BBOX1: variants seen among roughly 807,000 people sequenced by gnomAD.
BBOX1 encodes the protein gamma-butyrobetaine dioxygenase.
In BBOX1, 35 loss-of-function variants were observed where a neutral mutation model predicts 41.6. The observed-to-expected ratio is 0.84, with a 90% CI of 0.64 to 1.11. The LOEUF (loss-of-function observed/expected upper bound fraction) is 1.11, where lower values mean the gene tolerates loss of function less well. Among genes scored for constraint, BBOX1 ranks in the 50% most tolerant of loss-of-function variants. BBOX1 has a pLI of 0.00. For missense variants in BBOX1, 458 were observed against 460.6 expected (o/e 0.99, Z 0.05); for synonymous variants, 163 against 154.7 (o/e 1.05, Z -0.40).
intron 4 of BBOX1, among the ~76,000 whole-genome samples, chr11:27,058,139 G>A (rs144654245): frequency 1.3e-4 from 20 of 152,176 alleles, no homozygotes; most frequent in African/African-American, 4.8e-4. Flanking sequence ...AACAGTTCTT[G>A]CAAGATCTGG....
At chr11:27,084,476 A>C (rs1368207943) in intron 4 of BBOX1, among the ~76,000 whole-genome samples, 1 of 152,128 alleles carries the variant, frequency 6.6e-6, no homozygotes, top group Non-Finnish European at 1.5e-5. Flanking sequence ...CAGGATCTCC[A>C]TAGTGCACGA....
chr11:27,079,423 T>C (rs1244359570), intron 4 of BBOX1, among the ~76,000 whole-genome samples: 1 of 152,136 alleles, frequency 6.6e-6, no homozygotes, highest in African/African-American at 2.4e-5. Context: ...CCAGCAATCA[T>C]AGGCTACATT....
At chr11:27,043,265 G>A (rs549214723) in intron 2 of BBOX1, among the ~76,000 whole-genome samples, 272 of 151,974 alleles carry the variant, frequency 1.8e-3, no homozygotes, top group Non-Finnish European at 3.1e-3. Flanking sequence ...GGGTTTCACC[G>A]TGTTAGCCAA....
At chr11:27,107,947 C>T (rs1858926227) in intron 5 of BBOX1, among the ~76,000 whole-genome samples, 1 of 152,040 alleles carries the variant, frequency 6.6e-6, no homozygotes, top group South Asian at 2.1e-4. Context: ...AAAGGTAAAG[C>T]AGATGACATT....
intron 5 of BBOX1, among the ~76,000 whole-genome samples, chr11:27,103,756 G>C (rs1338879266): frequency 6.6e-6 from 1 of 151,826 alleles, no homozygotes; most frequent in Non-Finnish European, 1.5e-5. Context: ...GGGGTGGCCT[G>C]TCTTTCTGAC....
At chr11:27,122,935 C>G (rs1477727302) in intron 7 of BBOX1, among the ~76,000 whole-genome samples, 1 of 151,956 alleles carries the variant, frequency 6.6e-6, no homozygotes, top group Non-Finnish European at 1.5e-5. Context: ...TGGCTTTTTA[C>G]CTTTCCTCAG....
intron 4 of BBOX1, among the ~76,000 whole-genome samples, chr11:27,092,544 C>T (rs574321938): frequency 6.6e-6 from 1 of 151,922 alleles, no homozygotes; most frequent in South Asian, 2.1e-4. Flanking sequence ...AATGAGAGAG[C>T]TAACGGAAAG....
At chr11:27,058,428 A>C (rs1857048519) in intron 4 of BBOX1, among the ~76,000 whole-genome samples, 1 of 152,246 alleles carries the variant, frequency 6.6e-6, no homozygotes, top group African/African-American at 2.4e-5. Context: ...CATTGCTATA[A>C]AGATACCTAA....
intron 5 of BBOX1, among the ~76,000 whole-genome samples, chr11:27,099,649 T>G (rs1858572643): frequency 6.6e-6 from 1 of 152,086 alleles, no homozygotes; most frequent in Admixed American, 6.6e-5. Flanking sequence ...CAGCTGCTCA[T>G]AGGATCAACA....
At chr11:27,094,141 G>C (rs1858349792) in intron 5 of BBOX1, among the ~76,000 whole-genome samples, 1 of 151,934 alleles carries the variant, frequency 6.6e-6, no homozygotes, top group Non-Finnish European at 1.5e-5. Flanking sequence ...GTAAGTAACA[G>C]GGAGATATAA....
chr11:27,065,034 T>C (rs1252907404), intron 4 of BBOX1, among the ~76,000 whole-genome samples: 1 of 152,214 alleles, frequency 6.6e-6, no homozygotes. Flanking sequence ...CCTAACCTGA[T>C]GGTCTTTCAT....
chr11:27,094,223 T>C (rs1404470225), intron 5 of BBOX1, among the ~76,000 whole-genome samples: 1 of 151,954 alleles, frequency 6.6e-6, no homozygotes, highest in Non-Finnish European at 1.5e-5. Flanking sequence ...TTATGGATGG[T>C]TAAACACTAA....
At position 27,125,701 on chromosome 11, in the gene BBOX1, C is replaced by T; in HGVS notation, c.884C>T (p.Thr295Ile). Residue 295 changes from threonine (T) to isoleucine (I), a missense_variant, in exon 8 of 9, where the codon ACT becomes ATT. Coordinates refer to ENST00000263182, the MANE Select transcript of BBOX1 (RefSeq NM_003986.3). ...GTTCGCATCAACTTCAATAACGCAA[C>T]TAGGGACACAATATTTGATGTGCCT... The part of the protein sequence containing the change: ...QVVRINFNNA[T>I]RDTIFDVPVE... 1 of 1,607,962 alleles carries T rather than the reference C, an allele frequency of 6.2e-7. No homozygotes were observed. Among genetic ancestry groups the T allele is most frequent in the Non-Finnish European group, 8.5e-7 (1 of 1,176,602 alleles).
intron 5 of BBOX1, among the ~76,000 whole-genome samples, chr11:27,102,118 G>A (rs1858683572): frequency 6.6e-6 from 1 of 151,956 alleles, no homozygotes; most frequent in Non-Finnish European, 1.5e-5. Context: ...TTATGTTTAT[G>A]TCAATTAAAT....
intron 4 of BBOX1, among the ~76,000 whole-genome samples, chr11:27,057,948 A>G (rs1052070663): frequency 3.9e-5 from 6 of 152,156 alleles, no homozygotes; most frequent in Non-Finnish European, 7.3e-5. Context: ...ATTGCTGAGC[A>G]AAGAAGCAAA....
chr11:27,041,625 A>C (rs1453267819), intron 2 of BBOX1, 147 bp downstream of exon 2: 1 of 152,178 alleles, frequency 6.6e-6, no homozygotes, highest in Admixed American at 6.5e-5. Flanking sequence ...CTCCATTCAC[A>C]TGTAGCTCAC....
At chr11:27,091,835 A>G (rs1159520014) in intron 4 of BBOX1, among the ~76,000 whole-genome samples, 1 of 151,988 alleles carries the variant, frequency 6.6e-6, no homozygotes. Flanking sequence ...TAATTAATGC[A>G]GCTCTAGGGA....
At chr11:27,105,068 A>G (rs1858814146) in intron 5 of BBOX1, among the ~76,000 whole-genome samples, 1 of 152,200 alleles carries the variant, frequency 6.6e-6, no homozygotes, top group Non-Finnish European at 1.5e-5. Context: ...CAGAAAGGAC[A>G]TCCACACCAA....
At position 27,112,260 on chromosome 11, in the gene BBOX1, T is replaced by C. The variant is rs181584458; in HGVS notation, c.534-3192T>C. 1.4e-3 allele frequency among the ~76,000 whole-genome samples: 217 copies of C among 152,038 alleles called. 2 individuals carry two copies. The highest frequency in any genetic ancestry group is 2.7e-3 in the South Asian group (13 of 4,830). ...TTAATGAGCAAGTTTAAACACAGTGTCCTTGGATGAACATTTGGTTGATAA... is the reference window on the plus strand; with the variant it reads ...TTAATGAGCAAGTTTAAACACAGTGCCCTTGGATGAACATTTGGTTGATAA... On this transcript the variant is annotated intron_variant, in intron 5 of 8. Transcript: ENST00000263182.
Sources: gnomAD v4.1 joint callset for allele counts (sites outside exome capture counted in the v4.1 genomes callset) on GRCh38, gnomAD v4.1.1 for gene constraint, MANE v1.5 for transcripts, NCBI Gene and HGNC (gene_info 2026-07-23, HGNC 2026-07-21) for gene names.